CEP164: variants seen among roughly 807,000 people sequenced by gnomAD.
CEP164 encodes centrosomal protein 164.
CEP164 carries 162 observed loss-of-function variants against 182.7 expected under a neutral mutation model. The ratio of observed to expected loss-of-function variants is 0.89; its 90% confidence interval spans 0.78 to 1.01. The LOEUF (loss-of-function observed/expected upper bound fraction) is 1.01. Among genes scored for constraint, CEP164 ranks in the 50% least tolerant of loss-of-function variants. The probability of loss-of-function intolerance (pLI) is 0.00; values close to 1 mark genes in which losing one functional copy is unlikely to be tolerated. For missense variants in CEP164, 1,735 were observed against 1,790.4 expected (o/e 0.97, Z 0.56); for synonymous variants, 661 against 690.0 (o/e 0.96, Z 0.66).
Position 117,361,905 on chromosome 11 carries a change from A to T in CEP164, c.464A>T (p.Asp155Val). 1.2e-6 allele frequency: 2 copies of T among 1,613,654 alleles called. No individual in the cohort carries two copies. Among genetic ancestry groups the T allele is most frequent in the South Asian group, 2.2e-5 (2 of 90,962 alleles). The stretch of plus-strand genomic sequence containing the variant: ...CTGGCTCCTTTACGAGGTCTTGTGG[A>T]TACCCCACCCTCTGCTCTTCGTGGA... Reference protein sequence around the residue: ...GGLAPLRGLVDTPPSALRGSQ... With the variant: ...GGLAPLRGLVVTPPSALRGSQ... Residue 155 changes from aspartate (D) to valine (V), a missense_variant, in exon 6 of 33, where the codon GAT becomes GTT. By Grantham distance (152) the Asp-to-Val change is radical. Transcript: ENST00000278935.
intron 8 of CEP164, among the ~76,000 whole-genome samples, chr11:117,364,735 T>C (rs746890031): frequency 9.2e-5 from 14 of 152,102 alleles, no homozygotes; most frequent in Non-Finnish European, 1.9e-4. Flanking sequence ...TGGGCTTAAG[T>C]GATCCACCTA....
rs754759222 is a variant in CEP164, at chr11:117,409,887, C to T, written c.4018C>T (p.Gln1340Ter). 5 of 1,611,472 alleles carry T rather than the reference C, an allele frequency of 3.1e-6. No individual in the cohort carries two copies. In the East Asian group the frequency reaches 6.7e-5, roughly 22 times the overall value. ...TSTQWAWDSG[Q>*]GPRLPSSVAQ... is the part of the protein sequence containing the mutation. ...CACCCAATGGGCCTGGGATTCAGGG[C>T]AGGGGCCCAGGCTCCCCTCCTCTGT... Residue 1340 changes from glutamine (Q) to a stop codon, truncating the protein, a stop_gained, in exon 30 of 33, where the codon CAG (glutamine) becomes TAG (stop). Coordinates refer to ENST00000278935, the MANE Select transcript of CEP164 (RefSeq NM_014956.5). LOFTEE classifies it high-confidence loss of function. This position sits in a 1 kb window ranked among gnomAD's most constrained non-coding sequence, Gnocchi z 4.4.
intron 19 of CEP164, 86 bp downstream of exon 19, chr11:117,392,713 T>C: frequency 6.5e-7 from 1 of 1,533,758 alleles, no homozygotes; most frequent in Non-Finnish European, 8.8e-7. Context: ...CTCAGCGGCC[T>C]CCAGTTTGCT....
intron 8 of CEP164, among the ~76,000 whole-genome samples, chr11:117,366,636 T>C (rs1308099977): frequency 1.3e-5 from 2 of 152,130 alleles, no homozygotes; most frequent in African/African-American, 4.8e-5. Context: ...GTCAGTGCGA[T>C]TGGAAAGTGC....
chr11:117,409,249 C>T lies in CEP164; in HGVS notation c.3748+221C>T. 1 of 634,020 alleles carries T rather than the reference C, an allele frequency of 1.6e-6. No individual in the cohort carries two copies. Among genetic ancestry groups the T allele is most frequent in the Non-Finnish European group, 2.7e-6 (1 of 368,944 alleles). The allele number at this position is 634,020 out of a possible 1,614,324, so 39.3% of individuals were successfully genotyped here. ...GGGAAGCCCTCTGAATGCTGCAGAG[C>T]ACTCTACGGTGTGACCACTGGCCTT... is the stretch of plus-strand genomic sequence containing the variant. On this transcript the variant is annotated intron_variant, in intron 29 of 32. Coordinates refer to ENST00000278935, the MANE Select transcript of CEP164 (RefSeq NM_014956.5). The surrounding 1 kb of genome is among the most constrained non-coding windows in gnomAD (Gnocchi z 4.4).
chr11:117,359,614 C>G (rs2040709135), intron 5 of CEP164: 1 of 984,360 alleles, frequency 1.0e-6, no homozygotes, highest in Non-Finnish European at 1.2e-6. Flanking sequence ...GTTTCCTTTT[C>G]TCTCTTCAGT....
chr11:117,360,341 T>A (rs512730), intron 5 of CEP164, among the ~76,000 whole-genome samples: 33,016 of 151,940 alleles, frequency 0.22, 3,739 homozygotes, highest in African/African-American at 0.27. Flanking sequence ...CAAATTTTTT[T>A]AATTTTTTTG....
intron 8 of CEP164, among the ~76,000 whole-genome samples, chr11:117,365,156 T>C (rs1423537806): frequency 1.3e-5 from 2 of 152,216 alleles, no homozygotes; most frequent in Non-Finnish European, 2.9e-5. Flanking sequence ...TCAGAGGACT[T>C]ATTTGCTTGT....
chr11:117,367,901 T>A (rs2041818164), intron 8 of CEP164, among the ~76,000 whole-genome samples: 1 of 152,250 alleles, frequency 6.6e-6, no homozygotes, highest in African/African-American at 2.4e-5. Context: ...AACATTTGCT[T>A]AGCTATTTTT....
chr11:117,371,300 C>T lies in CEP164; in HGVS notation c.986C>T (p.Thr329Ile), dbSNP rs1204143779. ...CCTAAGATTTGCAGGAATCTGGTGA[C>T]CCCCAAGGCAGACCCTACAGGCAGT... Reference protein sequence around the residue: ...SEPKICRNLVTPKADPTGSEP... With the variant: ...SEPKICRNLVIPKADPTGSEP... Residue 329 changes from threonine to isoleucine, a missense_variant, in exon 9 of 33, where the codon ACC becomes ATC. Physicochemically the swap from Thr to Ile is moderately conservative, Grantham distance 89. Transcript: ENST00000278935. The T allele has an allele frequency of 3.1e-6, 5 of 1,614,164 alleles. No individual in the cohort carries two copies. The Admixed American group carries it at 5.0e-5, about 16-fold the overall frequency.
rs2047512312 is a variant in CEP164 at position 117,413,117 on chromosome 11, T to C, written c.*949T>C. ...CGGCCCTGGCAGCAAGGGGTCTTTG[T>C]GCAGTTGGAGATGCTGCCGTTGTGG... On this transcript the variant is annotated 3_prime_UTR_variant, in exon 33 of 33. Transcript: ENST00000278935. 6.6e-6 allele frequency: 1 copy of C among 152,308 alleles called. No homozygotes were observed. Among genetic ancestry groups the C allele is most frequent in the Admixed American group, 6.5e-5 (1 of 15,292 alleles). 9.4% of individuals were successfully genotyped at this position (152,308 alleles called of 1,614,324 possible).
At chr11:117,371,668 G>C (rs893230626) in intron 9 of CEP164, among the ~76,000 whole-genome samples, 3 of 152,202 alleles carry the variant, frequency 2.0e-5, no homozygotes, top group African/African-American at 7.2e-5. Flanking sequence ...AATCCGGAAT[G>C]AAGCTGCAGA....
chr11:117,378,369 T>A (rs891624893), intron 11 of CEP164, among the ~76,000 whole-genome samples: 1 of 152,230 alleles, frequency 6.6e-6, no homozygotes, highest in African/African-American at 2.4e-5. Flanking sequence ...TCTTTTTTCT[T>A]CCCATAAAAA....
intron 8 of CEP164, among the ~76,000 whole-genome samples, chr11:117,366,874 G>A (rs11607073): frequency 1.5e-4 from 23 of 152,206 alleles, no homozygotes; most frequent in African/African-American, 5.1e-4. Flanking sequence ...CTTTTGGGGG[G>A]CATGTTAAAT....
At position 117,392,227 on chromosome 11, in the gene CEP164, CT is replaced by C; in HGVS notation, c.2286del (p.Val763TrpfsTer92). On this transcript the variant is annotated frameshift_variant and splice_region_variant, in exon 18 of 33. Coordinates refer to ENST00000278935, the MANE Select transcript of CEP164 (RefSeq NM_014956.5). LOFTEE classifies it high-confidence loss of function. ...CACAGTCCCTTTGCTCCTCCCCAGG[CT>C]GTGGCAACGCTGGAGAAGGAGCACA... is the stretch of plus-strand genomic sequence containing the variant. ...REQLEGERKEAVATLEKEHSA... is the reference protein window; with the variant it reads ...REQLEGERKEXVATLEKEHSA... 6.2e-7 allele frequency: 1 copy of C among 1,600,422 alleles called. No homozygotes were observed. Among genetic ancestry groups the C allele is most frequent in the Non-Finnish European group, 8.5e-7 (1 of 1,172,112 alleles).
In CEP164 at chr11:117,396,579, C is replaced by T. The variant is rs201698235; in HGVS notation, c.3246C>T (p.Leu1082=). The change falls in exon 26 of 33, where the codon CTC becomes CTT. Residue 1082 remains leucine (L), a synonymous_variant. Coordinates refer to ENST00000278935, the MANE Select transcript of CEP164 (RefSeq NM_014956.5). ...TNQTKEVSSS[L]SQSKEDLYLD... is the part of the protein sequence containing the mutation. ...AGACCAAAGAGGTGTCTTCTTCTCT[C>T]TCCCAGAGCAAGGAGGACTTATACT... 85 of 1,613,728 alleles carry T rather than the reference C, an allele frequency of 5.3e-5. No homozygotes were observed. In the East Asian group the frequency reaches 1.5e-3, roughly 29 times the overall value.
chr11:117,339,379 AT>A (rs999036619), intron 3 of CEP164, among the ~76,000 whole-genome samples: 84 of 152,182 alleles, frequency 5.5e-4, no homozygotes, highest in Non-Finnish European at 9.3e-4. Flanking sequence ...GGGAAACCCA[AT>A]TTCCTAAGCA....
intron 5 of CEP164, among the ~76,000 whole-genome samples, chr11:117,356,803 T>C (rs564674): frequency 0.56 from 85,813 of 152,092 alleles, 24,390 homozygotes; most frequent in Middle Eastern, 0.61. Flanking sequence ...TTTCTTCTAC[T>C]CCATCACCTG....
intron 3 of CEP164, among the ~76,000 whole-genome samples, chr11:117,339,515 G>GTTTTTTTTTTTTTTTTTTTTTTTTT (rs1199425322): frequency 1.1e-5 from 1 of 90,870 alleles, no homozygotes; most frequent in Non-Finnish European, 2.1e-5. Context: ...CTTTTCCTTT[G>GTTTTTTTTTTTTTTTTTTTTTTTTT]TTTTTTGTTT....
Sources: gnomAD v4.1 joint callset for allele counts (sites outside exome capture counted in the v4.1 genomes callset) on GRCh38, gnomAD v4.1.1 for gene constraint, Gnocchi (gnomAD v3.1) non-coding constraint, MANE v1.5 for transcripts, NCBI Gene and HGNC (gene_info 2026-07-23, HGNC 2026-07-21) for gene names.